ARAP2: variants seen among roughly 807,000 people sequenced by gnomAD.
ARAP2 encodes ArfGAP with RhoGAP domain, ankyrin repeat and PH domain 2.
Under a neutral mutation model 194.5 loss-of-function variants are expected in ARAP2, and 148 were observed. The observed-to-expected ratio is 0.76, with a 90% CI of 0.67 to 0.87. The LOEUF (loss-of-function observed/expected upper bound fraction) is 0.87. ARAP2 is among the 40% of genes least tolerant of loss of function. The pLI, the probability that ARAP2 is intolerant of heterozygous loss-of-function variation, is 0.00. For missense variants in ARAP2, 2,128 were observed against 1,989.7 expected (o/e 1.07, Z -1.32); for synonymous variants, 695 against 683.5 (o/e 1.02, Z -0.26).
chr4:36,158,187 C>G (rs1401541587), intron 15 of ARAP2, among the ~76,000 whole-genome samples: 1 of 152,128 alleles, frequency 6.6e-6, no homozygotes, highest in Non-Finnish European at 1.5e-5. Context: ...CCCATTGTAA[C>G]TCTGCTCAGA....
intron 21 of ARAP2, among the ~76,000 whole-genome samples, chr4:36,128,303 G>T (rs944076313): frequency 4.6e-5 from 7 of 151,808 alleles, no homozygotes; most frequent in Non-Finnish European, 2.9e-5. Context: ...TATACCAAAC[G>T]ATTTAGTGAA....
intron 11 of ARAP2, 81 bp from the exon 12 acceptor site, chr4:36,161,631 G>T: frequency 9.0e-7 from 1 of 1,117,080 alleles, no homozygotes; most frequent in Non-Finnish European, 1.3e-6. Flanking sequence ...AAGTGCATAT[G>T]TCTGTGTATG....
chr4:36,125,041 T>G, intron 21 of ARAP2, 74 bp from the exon 22 acceptor site: 1 of 934,096 alleles, frequency 1.1e-6, no homozygotes, highest in East Asian at 2.5e-5. Context: ...TCAGCAGTAT[T>G]GTAAAACAGT....
At position 36,210,507 on chromosome 4, in the gene ARAP2, CTTG is replaced by C. The variant is rs752808067; in HGVS notation, c.1367_1369del (p.Thr456del). ...AACGGCTGATGAATCAGCATTTCCA[CTTG>C]TTGAGCTTAACGGATAACTGTGCCT... is the stretch of plus-strand genomic sequence containing the variant. On this transcript the variant is annotated inframe_deletion, in exon 6 of 33. Transcript: ENST00000303965. 4.3e-5 allele frequency: 69 copies of C among 1,613,850 alleles called. No individual in the cohort carries two copies. The highest frequency in any genetic ancestry group is 5.6e-5 in the Non-Finnish European group (66 of 1,179,880).
intron 31 of ARAP2, among the ~76,000 whole-genome samples, chr4:36,077,801 T>C (rs1728587564): frequency 6.6e-6 from 1 of 152,144 alleles, no homozygotes; most frequent in Non-Finnish European, 1.5e-5. Context: ...GCCTTCCTCA[T>C]CTCTAATATC....
intron 27 of ARAP2, among the ~76,000 whole-genome samples, chr4:36,101,136 T>G (rs1716795682): frequency 6.6e-6 from 1 of 152,030 alleles, no homozygotes; most frequent in Non-Finnish European, 1.5e-5. Context: ...GTAGATTACA[T>G]GCAGATACTC....
chr4:36,026,600 T>C (rs888499800), intron 5 of ARAP2, among the ~76,000 whole-genome samples: 1 of 152,142 alleles, frequency 6.6e-6, no homozygotes, highest in Non-Finnish European at 1.5e-5. Context: ...GGACTGGAAG[T>C]GTTAAAGCTC....
intron 1 of ARAP2, among the ~76,000 whole-genome samples, chr4:36,059,745 G>A (rs1286148437): frequency 1.3e-5 from 2 of 152,138 alleles, no homozygotes; most frequent in African/African-American, 4.8e-5. Flanking sequence ...GGATCCTAGA[G>A]ACCAATACTA....
At chr4:36,137,046 C>T (rs372997808) in intron 19 of ARAP2, among the ~76,000 whole-genome samples, 1 of 151,582 alleles carries the variant, frequency 6.6e-6, no homozygotes, top group African/African-American at 2.4e-5. Context: ...TGGAGTATAA[C>T]AAGATGAGCA....
At chr4:36,221,025 T>C (rs1246376390) in intron 2 of ARAP2, among the ~76,000 whole-genome samples, 1 of 152,122 alleles carries the variant, frequency 6.6e-6, no homozygotes, top group Non-Finnish European at 1.5e-5. Context: ...CCTATACAAG[T>C]GTACTATTTT....
chr4:36,234,696 G>A (rs1752134447), intron 1 of ARAP2, among the ~76,000 whole-genome samples: 1 of 152,068 alleles, frequency 6.6e-6, no homozygotes, highest in African/African-American at 2.4e-5. Context: ...ACCTCATAGG[G>A]CTACTGTGAT....
chr4:36,216,854 G>A (rs1043989699), intron 2 of ARAP2, among the ~76,000 whole-genome samples: 1 of 152,192 alleles, frequency 6.6e-6, no homozygotes, highest in Non-Finnish European at 1.5e-5. Flanking sequence ...TACATCCTGA[G>A]AAATAGGTTG....
At chr4:36,096,243 T>C (rs1478240355) in intron 27 of ARAP2, among the ~76,000 whole-genome samples, 1 of 150,918 alleles carries the variant, frequency 6.6e-6, no homozygotes, top group Admixed American at 6.6e-5. Context: ...TGTGCCACTG[T>C]AGTACCAGCT....
chr4:36,128,771 C>T (rs1397419), intron 20 of ARAP2, 26 bp from the exon 21 acceptor site: 545,411 of 1,541,952 alleles, frequency 0.35, 99,643 homozygotes, highest in East Asian at 0.48. Flanking sequence ...AAAAGTTATA[C>T]TTTAAAAGTC....
At position 36,066,391 on chromosome 4, in the gene ARAP2, T is replaced by C. The variant is rs1172419871; in HGVS notation, c.*1516A>G. The C allele has an allele frequency of 1.3e-5, 2 of 152,142 alleles. No individual in the cohort carries two copies. Among genetic ancestry groups the C allele is most frequent in the African/African-American group, 4.8e-5 (2 of 41,424 alleles). 9.4% of individuals were successfully genotyped at this position (152,142 alleles called of 1,614,324 possible). On this transcript the variant is annotated 3_prime_UTR_variant, in exon 33 of 33. Transcript: ENST00000303965. The stretch of plus-strand genomic sequence containing the variant: ...TGCTTTTTAAAAATTCTAATTTACT[T>C]TGATTTAAAGAATAAATATCTCATA...
chr4:36,183,295 A>AT (rs1044032355), intron 8 of ARAP2, among the ~76,000 whole-genome samples: 2 of 32,548 alleles, frequency 6.1e-5, no homozygotes, highest in East Asian at 0.017. Flanking sequence ...ATTTTTTTTA[A>AT]TTAAAAAAAA....
intron 9 of ARAP2, among the ~76,000 whole-genome samples, chr4:36,173,748 T>G (rs1452794721): frequency 2.0e-5 from 3 of 152,198 alleles, no homozygotes; most frequent in African/African-American, 7.2e-5. Flanking sequence ...ATTCAACAAG[T>G]TCACCCTACC....
intron 20 of ARAP2, among the ~76,000 whole-genome samples, chr4:36,132,443 A>C (rs1233009118): frequency 6.6e-6 from 1 of 151,864 alleles, no homozygotes; most frequent in African/African-American, 2.4e-5. Flanking sequence ...TGATCTAAAT[A>C]AATGGCATTT....
chr4:36,096,707 C>T (rs1184473683), intron 27 of ARAP2, among the ~76,000 whole-genome samples: 2 of 152,046 alleles, frequency 1.3e-5, no homozygotes, highest in African/African-American at 2.4e-5. Context: ...TTAGGTACTT[C>T]GTGACTTTTA....
Sources: allele counts gnomAD v4.1 joint callset (sites outside exome capture counted in the v4.1 genomes callset), GRCh38; gene constraint gnomAD v4.1.1; transcripts MANE v1.5; gene names NCBI Gene and HGNC (gene_info 2026-07-23, HGNC 2026-07-21).